Variants in GRM5 observed in about 807,000 individuals in gnomAD.
GRM5 encodes metabotropic glutamate receptor 5.
A neutral mutation model predicts 83.1 loss-of-function variants in GRM5; 19 were observed. The ratio of observed to expected loss-of-function variants is 0.23; its 90% CI spans 0.16 to 0.34. The LOEUF is 0.34. Ranked by LOEUF, GRM5 falls within the 10% of genes least tolerant of loss-of-function variation. GRM5 has a pLI of 1.00. For missense variants in GRM5, 1,160 were observed against 1,588.3 expected, an observed-to-expected ratio of 0.73 and a Z score of 4.58; for synonymous variants, 675 against 633.6, an observed-to-expected ratio of 1.07 and a Z score of -0.98.
intron 4 of GRM5, among the ~76,000 whole-genome samples, chr11:88,631,136 G>C (rs946250343): frequency 6.6e-6 from 1 of 152,074 alleles, no homozygotes; most frequent in Non-Finnish European, 1.5e-5. Flanking sequence ...ATGGTGATGT[G>C]GGCAAACTCA....
At chr11:88,516,413 C>T (rs1941521702) in intron 9 of GRM5, among the ~76,000 whole-genome samples, 1 of 152,052 alleles carries the variant, frequency 6.6e-6, no homozygotes, top group African/African-American at 2.4e-5. Flanking sequence ...TGGCAGTGCC[C>T]CAGGTTTTGC....
At chr11:88,541,543 A>T (rs1279153076) in intron 8 of GRM5, among the ~76,000 whole-genome samples, 1 of 152,164 alleles carries the variant, frequency 6.6e-6, no homozygotes, top group Non-Finnish European at 1.5e-5. Context: ...GTCTAACTTG[A>T]CTGGGCTTTA....
intron 2 of GRM5, among the ~76,000 whole-genome samples, chr11:89,023,014 C>T (rs1417973922): frequency 6.6e-6 from 1 of 152,110 alleles, no homozygotes; most frequent in Admixed American, 6.5e-5. Flanking sequence ...GACACGTTCC[C>T]AGGTAATTTT....
intron 2 of GRM5, among the ~76,000 whole-genome samples, chr11:88,956,584 A>G (rs1241607834): frequency 6.6e-6 from 1 of 152,096 alleles, no homozygotes; most frequent in African/African-American, 2.4e-5. Context: ...AGGCGGGCAG[A>G]TCACGAGGTC....
intron 2 of GRM5, among the ~76,000 whole-genome samples, chr11:88,900,289 A>AT (rs1945294887): frequency 6.6e-6 from 1 of 152,166 alleles, no homozygotes; most frequent in African/African-American, 2.4e-5. Context: ...ACATTAGTTG[A>AT]TTTCCATGGC....
intron 2 of GRM5, among the ~76,000 whole-genome samples, chr11:88,990,779 A>C (rs1409373985): frequency 2.6e-5 from 4 of 151,810 alleles, no homozygotes; most frequent in East Asian, 1.9e-4. Context: ...TTATCTCAAT[A>C]GATGCAGAAA....
At chr11:88,922,880 TA>T (rs141477596) in intron 2 of GRM5, among the ~76,000 whole-genome samples, 4,213 of 152,132 alleles carry the variant, frequency 0.028, 89 homozygotes, top group Non-Finnish European at 0.04. Context: ...AACTCAATGG[TA>T]AAAAATCTGA....
At chr11:89,044,987 T>C (rs1941613017) in intron 2 of GRM5, among the ~76,000 whole-genome samples, 1 of 152,180 alleles carries the variant, frequency 6.6e-6, no homozygotes, top group African/African-American at 2.4e-5. Context: ...CTTGTACTGA[T>C]AAATCATAAG....
intron 2 of GRM5, among the ~76,000 whole-genome samples, chr11:88,973,702 C>T (rs1383408265): frequency 2.0e-5 from 3 of 152,064 alleles, no homozygotes; most frequent in African/African-American, 7.2e-5. Flanking sequence ...TGTTTAAATC[C>T]ACCAAGTTTG....
At chr11:88,560,767 A>G (rs994765775) in intron 8 of GRM5, among the ~76,000 whole-genome samples, 16 of 152,216 alleles carry the variant, frequency 1.1e-4, no homozygotes, top group Admixed American at 7.9e-4. Context: ...CGCTGAAGAC[A>G]GCATTAGATA....
At chr11:88,608,555 G>A (rs893727892) in intron 4 of GRM5, among the ~76,000 whole-genome samples, 2 of 125,048 alleles carry the variant, frequency 1.6e-5, no homozygotes, top group African/African-American at 6.6e-5. Context: ...GTCTCACTCT[G>A]TGGTCCAGGC....
chr11:88,509,327 G>T lies in GRM5; in HGVS notation c.2904C>A (p.Gly968=), dbSNP rs779598495. Residue 968 remains glycine (G), a synonymous_variant, in exon 10 of 10, where the codon GGC becomes GGA. Transcript: ENST00000305447. ...TGGCCCCCACGCCCCCAGCGCTCCC[G>T]CCTGCGCCAGCGCCAGCGCCCAGGC... The part of the protein sequence containing the change: ...SRGLGAGAGA[G]GSAGGVGATG... 40 of 1,595,676 alleles carry T rather than the reference G, an allele frequency of 2.5e-5. No individual in the cohort carries two copies. The highest frequency in any genetic ancestry group is 3.4e-5 in the Admixed American group (2 of 58,640).
intron 4 of GRM5, among the ~76,000 whole-genome samples, chr11:88,649,929 G>T (rs559076979): frequency 3.3e-5 from 5 of 151,762 alleles, no homozygotes; most frequent in Non-Finnish European, 7.4e-5. Context: ...TCATAACACA[G>T]TCCTGTGGTA....
intron 3 of GRM5, among the ~76,000 whole-genome samples, chr11:88,844,996 C>T (rs1286283858): frequency 1.3e-5 from 2 of 152,134 alleles, no homozygotes; most frequent in Non-Finnish European, 2.9e-5. Flanking sequence ...GAAATGACAA[C>T]AAAGAATTTA....
intron 3 of GRM5, among the ~76,000 whole-genome samples, chr11:88,685,756 C>A (rs1940606929): frequency 6.6e-6 from 1 of 152,178 alleles, no homozygotes; most frequent in African/African-American, 2.4e-5. Context: ...AGGGTGCGAC[C>A]CCCAAGTCTT....
intron 3 of GRM5, among the ~76,000 whole-genome samples, chr11:88,739,111 T>G (rs946898840): frequency 6.6e-6 from 1 of 152,098 alleles, no homozygotes. Flanking sequence ...TATCCTTTAC[T>G]AGACTATAAG....
intron 2 of GRM5, among the ~76,000 whole-genome samples, chr11:89,001,290 T>C (rs1940370373): frequency 6.6e-6 from 1 of 152,092 alleles, no homozygotes; most frequent in African/African-American, 2.4e-5. Context: ...AGCAGAATTA[T>C]TTGTCATAAT....
At chr11:88,840,033 T>C (rs1269137396) in intron 3 of GRM5, among the ~76,000 whole-genome samples, 3 of 151,950 alleles carry the variant, frequency 2.0e-5, no homozygotes, top group African/African-American at 7.3e-5. Flanking sequence ...AGGGAAGGGG[T>C]TGGTCTTGCT....
Position 88,845,547 on chromosome 11 carries a change from C to T in GRM5, c.911+4359G>A, listed in dbSNP as rs1332635027. Among the ~76,000 whole-genome samples the T allele has an allele frequency of 3.4e-5, 5 of 148,818 alleles. No individual in the cohort carries two copies. In the East Asian group the frequency reaches 8.1e-4, roughly 24 times the overall value. ...CTCCCGGGTTTGCGCCATTCTCCTG[C>T]CTCAGCCTCCAGAGTAGCTGGGACT... is the stretch of plus-strand genomic sequence containing the variant. On this transcript the variant is annotated intron_variant, in intron 3 of 9. Transcript: ENST00000305447.
Sources: gnomAD v4.1 joint callset for allele counts (sites outside exome capture counted in the v4.1 genomes callset) on GRCh38, gnomAD v4.1.1 for gene constraint, MANE v1.5 for transcripts, NCBI Gene and HGNC (gene_info 2026-07-23, HGNC 2026-07-21) for gene names.